Variants in FARS2 observed in about 807,000 individuals in gnomAD.
The protein encoded by FARS2 is phenylalanine--tRNA ligase, mitochondrial.
In FARS2, 40 loss-of-function variants were observed where a neutral mutation model predicts 46.4. The observed-to-expected ratio is 0.86, with a 90% CI of 0.67 to 1.12. The LOEUF is 1.12. Ranked by LOEUF, FARS2 falls within the 50% of genes most tolerant of loss-of-function variation. FARS2 has a pLI of 0.00. For synonymous variants in FARS2, 234 were observed against 214.9 expected, an observed-to-expected ratio of 1.09 and a Z score of -0.78; for missense variants, 513 against 567.9, an observed-to-expected ratio of 0.90 and a Z score of 0.98.
intron 4 of FARS2, among the ~76,000 whole-genome samples, chr6:5,539,384 GTATA>G (rs1554106819): frequency 3.8e-5 from 3 of 79,584 alleles, no homozygotes; most frequent in East Asian, 3.0e-4. Flanking sequence ...TTTTTTTTGT[GTATA>G]TATATATATA....
At chr6:5,268,971 C>T (rs1005162027) in intron 1 of FARS2, among the ~76,000 whole-genome samples, 11 of 152,098 alleles carry the variant, frequency 7.2e-5, no homozygotes, top group South Asian at 2.1e-4. Flanking sequence ...CCATTTCACC[C>T]GGCAATCTCA....
intron 6 of FARS2, among the ~76,000 whole-genome samples, chr6:5,757,167 CT>C (rs34636460): frequency 0.29 from 43,583 of 148,700 alleles, 8,957 homozygotes; most frequent in African/African-American, 0.58. Context: ...AGCCTGACAT[CT>C]TTTTTTTTTT....
chr6:5,699,570 C>T (rs1324419749), intron 6 of FARS2, among the ~76,000 whole-genome samples: 3 of 151,306 alleles, frequency 2.0e-5, no homozygotes, highest in East Asian at 3.9e-4. Flanking sequence ...TGCAGTGGCG[C>T]GATCTCGGCT....
chr6:5,603,407 C>T (rs1299918888), intron 5 of FARS2, among the ~76,000 whole-genome samples: 1 of 152,150 alleles, frequency 6.6e-6, no homozygotes, highest in Non-Finnish European at 1.5e-5. Flanking sequence ...AAGGAGGGTC[C>T]TGAAACAAAG....
chr6:5,284,444 A>G (rs1365817095), intron 1 of FARS2, among the ~76,000 whole-genome samples: 1 of 152,140 alleles, frequency 6.6e-6, no homozygotes, highest in African/African-American at 2.4e-5. Flanking sequence ...TAGATTTCCT[A>G]TCTTGAATTA....
At chr6:5,556,314 A>C (rs771245638) in intron 5 of FARS2, among the ~76,000 whole-genome samples, 1 of 152,216 alleles carries the variant, frequency 6.6e-6, no homozygotes, top group East Asian at 1.9e-4. Flanking sequence ...GAAATTGAGT[A>C]TAGAAATCAG....
intron 4 of FARS2, among the ~76,000 whole-genome samples, chr6:5,434,247 G>A (rs369987157): frequency 2.3e-4 from 35 of 152,162 alleles, no homozygotes; most frequent in Non-Finnish European, 4.6e-4. Flanking sequence ...GAGTAGCTGG[G>A]ATTACATGCA....
chr6:5,742,400 G>A (rs1015251811), intron 6 of FARS2, among the ~76,000 whole-genome samples: 4 of 152,162 alleles, frequency 2.6e-5, no homozygotes, highest in African/African-American at 4.8e-5. Flanking sequence ...GGATGAGAGC[G>A]GGGAGAGGGA....
At chr6:5,646,391 T>C (rs1449047887) in intron 6 of FARS2, among the ~76,000 whole-genome samples, 1 of 152,204 alleles carries the variant, frequency 6.6e-6, no homozygotes, top group African/African-American at 2.4e-5. Flanking sequence ...TCTGTGAACC[T>C]GCTTCCTACC....
chr6:5,373,703 G>C (rs777247225), intron 2 of FARS2, among the ~76,000 whole-genome samples: 50 of 152,064 alleles, frequency 3.3e-4, no homozygotes, highest in Non-Finnish European at 4.9e-4. Flanking sequence ...AGTGTGCCCA[G>C]TCTATGCAGT....
intron 4 of FARS2, chr6:5,467,170 C>T (rs1181496872): frequency 2.9e-6 from 2 of 683,806 alleles, no homozygotes; most frequent in African/African-American, 1.9e-5. Context: ...CTGTGGTTTA[C>T]ATTTTTTGAC....
chr6:5,281,140 A>G (rs923865993), intron 1 of FARS2, among the ~76,000 whole-genome samples: 5 of 152,228 alleles, frequency 3.3e-5, no homozygotes, highest in African/African-American at 4.8e-5. Flanking sequence ...ATGACTACAT[A>G]GCATGTATTG....
chr6:5,655,284 T>C (rs927358827), intron 6 of FARS2, among the ~76,000 whole-genome samples: 2 of 152,262 alleles, frequency 1.3e-5, no homozygotes, highest in Admixed American at 1.3e-4. Context: ...CTTTCCTTGG[T>C]GTTTGAGCAG....
rs550120080 is a variant in FARS2, at chr6:5,320,845, G to A, written c.-21-47705G>A. On this transcript the variant is annotated intron_variant, in intron 1 of 6. Transcript: ENST00000274680. ...CACCAGGAGATTAGGTGTCTGGTGA[G>A]GGCTCATTTCTCATAGATGGCACTT... 6.6e-5 allele frequency among the ~76,000 whole-genome samples: 10 copies of A among 152,254 alleles called. No individual in the cohort carries two copies. The South Asian group carries it at 2.1e-3, about 32-fold the overall frequency.
chr6:5,554,581 T>C (rs542711191), intron 5 of FARS2, among the ~76,000 whole-genome samples: 1 of 152,340 alleles, frequency 6.6e-6, no homozygotes, highest in African/African-American at 2.4e-5. Flanking sequence ...CAATACACTA[T>C]TCACCTGTAC....
At chr6:5,322,092 G>GCCAAAACAA (rs1354020936) in intron 1 of FARS2, among the ~76,000 whole-genome samples, 6 of 152,248 alleles carry the variant, frequency 3.9e-5, no homozygotes, top group Non-Finnish European at 7.4e-5. Context: ...AACAATAATG[G>GCCAAAACAA]TGACCAAAAA....
intron 1 of FARS2, among the ~76,000 whole-genome samples, chr6:5,276,074 T>C (rs1561925361): frequency 6.6e-6 from 1 of 152,204 alleles, no homozygotes; most frequent in Non-Finnish European, 1.5e-5. Context: ...CCCTATTTTC[T>C]TTCTGAAAAA....
At chr6:5,500,702 T>C (rs115527404) in intron 4 of FARS2, among the ~76,000 whole-genome samples, 1,642 of 152,260 alleles carry the variant, frequency 0.011, 29 homozygotes, top group African/African-American at 0.036. Flanking sequence ...GTGCTTTGGT[T>C]GTAAGCTGTA....
At chr6:5,389,385 G>A (rs1419057174) in intron 2 of FARS2, among the ~76,000 whole-genome samples, 1 of 152,114 alleles carries the variant, frequency 6.6e-6, no homozygotes, top group Non-Finnish European at 1.5e-5. Context: ...GGTTGGCACA[G>A]CCTGGACTCT....
Sources: allele counts gnomAD v4.1 joint callset (sites outside exome capture counted in the v4.1 genomes callset), GRCh38; gene constraint gnomAD v4.1.1; transcripts MANE v1.5; gene names NCBI Gene and HGNC (gene_info 2026-07-23, HGNC 2026-07-21).